EIPR1: variants seen among roughly 807,000 people sequenced by gnomAD.
The protein encoded by EIPR1 is EARP and GARP complex-interacting protein 1.
Under a neutral mutation model 48.1 loss-of-function variants are expected in EIPR1, and 25 were observed. That is an observed-to-expected ratio of 0.52 (90% CI 0.38 to 0.73). The LOEUF (loss-of-function observed/expected upper bound fraction) is 0.73, where lower values mean the gene tolerates loss of function less well. EIPR1 is among the 30% of genes least tolerant of loss of function. EIPR1 has a pLI of 0.00. For missense variants in EIPR1, 415 were observed against 506.2 expected, an observed-to-expected ratio of 0.82 and a Z score of 1.73; for synonymous variants, 204 against 201.9, an observed-to-expected ratio of 1.01 and a Z score of -0.09.
rs67873034 is a variant in EIPR1 at position 3,376,690 on chromosome 2, CAA to C, written c.42+956_42+957del. ...TGGGCAACGGAGCAAGACTCCATCTCAAAAAAAAAAAAAAAAAGCAGACATCA... is the reference window on the plus strand; with the variant it reads ...TGGGCAACGGAGCAAGACTCCATCTCAAAAAAAAAAAAAAAGCAGACATCA... On this transcript the variant is annotated intron_variant, in intron 1 of 8. Transcript: ENST00000382125. Among the ~76,000 whole-genome samples the C allele has an allele frequency of 0.011, 1,431 of 124,936 alleles. 98 individuals are homozygous for C. In the East Asian group the frequency reaches 0.22, roughly 19 times the overall value. 82.0% of individuals were successfully genotyped at this position (124,936 alleles called of 152,430 possible).
chr2:3,253,993 G>A (rs536171603), intron 4 of EIPR1, among the ~76,000 whole-genome samples: 5 of 152,258 alleles, frequency 3.3e-5, no homozygotes, highest in African/African-American at 1.2e-4. Context: ...GGAACCGTGT[G>A]GCATTCTCGG....
intron 2 of EIPR1, among the ~76,000 whole-genome samples, chr2:3,350,822 C>T (rs1427516252): frequency 6.6e-6 from 1 of 151,508 alleles, no homozygotes; most frequent in East Asian, 1.9e-4. Context: ...ATACTGTTGA[C>T]TCAAAAAAAT....
chr2:3,280,790 C>A (rs531472391), intron 3 of EIPR1, among the ~76,000 whole-genome samples: 1 of 152,136 alleles, frequency 6.6e-6, no homozygotes, highest in African/African-American at 2.4e-5. Context: ...TGCCTTCCAG[C>A]GCACTCAAGG....
chr2:3,278,656 G>C (rs1165137195), intron 3 of EIPR1, among the ~76,000 whole-genome samples: 7 of 152,070 alleles, frequency 4.6e-5, no homozygotes, highest in Non-Finnish European at 2.9e-5. Flanking sequence ...TTAAGGGGAG[G>C]GGCCTTCCCC....
chr2:3,215,135 C>A (rs1665587747), intron 4 of EIPR1, among the ~76,000 whole-genome samples: 1 of 152,234 alleles, frequency 6.6e-6, no homozygotes. Context: ...CAAGCTAAGA[C>A]ACTCACCAAC....
At chr2:3,213,592 G>A (rs1021182866) in intron 5 of EIPR1, among the ~76,000 whole-genome samples, 3 of 152,168 alleles carry the variant, frequency 2.0e-5, no homozygotes, top group East Asian at 1.9e-4. Flanking sequence ...CGCTTGAAAC[G>A]GTAGAAAATA....
intron 7 of EIPR1, among the ~76,000 whole-genome samples, chr2:3,193,422 TACACCCGTGTGTGCAC>T (rs1348500842): frequency 6.6e-6 from 1 of 152,234 alleles, no homozygotes; most frequent in South Asian, 2.1e-4. Flanking sequence ...CACACTTGTG[TACACCCGTGTGTGCAC>T]ACACGTTTTA....
intron 4 of EIPR1, among the ~76,000 whole-genome samples, chr2:3,237,604 T>G (rs749569896): frequency 7.9e-5 from 12 of 152,126 alleles, no homozygotes; most frequent in Non-Finnish European, 1.2e-4. Flanking sequence ...GCTGTATGAC[T>G]AAGAGCACAG....
intron 3 of EIPR1, among the ~76,000 whole-genome samples, chr2:3,269,188 GC>G (rs1202728232): frequency 2.6e-5 from 4 of 152,332 alleles, no homozygotes; most frequent in African/African-American, 9.6e-5. Context: ...AGAAGCAGCA[GC>G]CACACTCAAT....
chr2:3,310,687 TTAAAAC>T lies in EIPR1; in HGVS notation c.259+27324_259+27329del, dbSNP rs552288149. Among the ~76,000 whole-genome samples, 93 of 151,248 alleles carry T rather than the reference TTAAAAC, an allele frequency of 6.1e-4. 2 individuals are homozygous for T. The East Asian group carries it at 0.014, about 22-fold the overall frequency. ...AAAAAAAAAAAAAAGTCTTGATAAT[TTAAAAC>T]TAAAAACTTATCTAAACTTTGTAGT... is the stretch of plus-strand genomic sequence containing the variant. On this transcript the variant is annotated intron_variant, in intron 3 of 8. Transcript: ENST00000382125.
intron 5 of EIPR1, among the ~76,000 whole-genome samples, chr2:3,209,462 G>C (rs558131821): frequency 6.6e-6 from 1 of 152,342 alleles, no homozygotes; most frequent in African/African-American, 2.4e-5. Flanking sequence ...GAGGGTGCGT[G>C]GAAGGAGGCC....
At chr2:3,359,379 G>C (rs748611970) in intron 1 of EIPR1, among the ~76,000 whole-genome samples, 1 of 152,146 alleles carries the variant, frequency 6.6e-6, no homozygotes, top group Non-Finnish European at 1.5e-5. Context: ...TTGCAGAGCC[G>C]AGAGCTGCAT....
intron 3 of EIPR1, among the ~76,000 whole-genome samples, chr2:3,332,509 C>T (rs769290114): frequency 3.3e-5 from 5 of 152,220 alleles, no homozygotes; most frequent in Admixed American, 6.5e-5. Flanking sequence ...TGGAGGCCTG[C>T]GTCCTCCTCG....
intron 3 of EIPR1, among the ~76,000 whole-genome samples, chr2:3,287,432 T>TCAC (rs1158042890): frequency 1.8e-4 from 23 of 130,562 alleles, no homozygotes; most frequent in African/African-American, 3.9e-4. Flanking sequence ...GAAAGCTCGT[T>TCAC]CACAATCCAG....
intron 5 of EIPR1, among the ~76,000 whole-genome samples, chr2:3,207,587 G>A (rs1354373247): frequency 6.6e-6 from 1 of 152,228 alleles, no homozygotes; most frequent in Admixed American, 6.5e-5. Context: ...CTTGGACATG[G>A]CAGGCACTCA....
intron 3 of EIPR1, among the ~76,000 whole-genome samples, chr2:3,287,736 TAGAAAGCTCATTCACTATGCTCC>T (rs1558275163): frequency 7.9e-4 from 97 of 123,424 alleles, no homozygotes; most frequent in Admixed American, 1.7e-3. Context: ...CACCACGCTC[TAGAAAGCTCATTCACTATGCTCC>T]AGAAAGCTCA....
intron 3 of EIPR1, among the ~76,000 whole-genome samples, chr2:3,275,101 T>C (rs1352814060): frequency 4.6e-5 from 7 of 152,156 alleles, no homozygotes; most frequent in Admixed American, 2.6e-4. Context: ...ACAATAACTA[T>C]AAGGGACATC....
chr2:3,296,671 C>T (rs1483660128), intron 3 of EIPR1, among the ~76,000 whole-genome samples: 2 of 150,726 alleles, frequency 1.3e-5, no homozygotes, highest in African/African-American at 4.9e-5. Context: ...ACACACACAC[C>T]CTCCATCCAG....
chr2:3,285,528 T>G (rs1272843319), intron 3 of EIPR1, among the ~76,000 whole-genome samples: 1 of 152,214 alleles, frequency 6.6e-6, no homozygotes, highest in East Asian at 1.9e-4. Flanking sequence ...AAGTGCTCCA[T>G]AAGAATTAAA....
Sources: allele counts gnomAD v4.1 joint callset (sites outside exome capture counted in the v4.1 genomes callset), GRCh38; gene constraint gnomAD v4.1.1; transcripts MANE v1.5; gene names NCBI Gene and HGNC (gene_info 2026-07-23, HGNC 2026-07-21).